ZNF705A: variants seen among roughly 807,000 people sequenced by gnomAD.
ZNF705A encodes zinc finger protein 705A.
ZNF705A carries 8 observed loss-of-function variants against 16.6 expected under a neutral mutation model. The observed-to-expected ratio is 0.48, with a 90% CI of 0.28 to 0.87. ZNF705A has a LOEUF of 0.87. ZNF705A is among the 40% of genes least tolerant of loss of function. ZNF705A has a pLI of 0.10. For missense variants in ZNF705A, 233 were observed against 359.9 expected, an observed-to-expected ratio of 0.65 and a Z score of 2.85; for synonymous variants, 73 against 117.3, an observed-to-expected ratio of 0.62 and a Z score of 2.44.
At chr12:8,168,289 A>G (rs1230706373), upstream of ZNF705A, among the ~76,000 whole-genome samples, 1 of 152,198 alleles carries the variant, frequency 6.6e-6, no homozygotes, top group Non-Finnish European at 1.5e-5. Flanking sequence ...GTGATAACTG[A>G]CAGGCCGTCA....
intron 1 of ZNF705A, among the ~76,000 whole-genome samples, chr12:8,172,929 A>G (rs746580520): frequency 2.6e-4 from 39 of 152,328 alleles, no homozygotes; most frequent in African/African-American, 7.7e-4. Flanking sequence ...TATTAAGGCT[A>G]TTTACAAAAA....
Position 8,159,482 on chromosome 12 carries a change from C to T in ZNF705A, c.-72+2390C>T, listed in dbSNP as rs138796655. The stretch of plus-strand genomic sequence containing the variant: ...CATGTCAACATCTATTGTTTTTTGA[C>T]TTTTTCTTTATGGCCATTCTTTCAG... On this transcript the variant is annotated intron_variant, in intron 1 of 5. Coordinates refer to the ZNF705A transcript ENST00000396570. 6.0e-4 allele frequency among the ~76,000 whole-genome samples: 91 copies of T among 152,122 alleles called. 2 individuals are homozygous for T. The East Asian group carries it at 0.016, about 27-fold the overall frequency.
upstream of ZNF705A, among the ~76,000 whole-genome samples, chr12:8,171,943 G>A (rs1368719862): frequency 6.6e-6 from 1 of 152,174 alleles, no homozygotes; most frequent in Non-Finnish European, 1.5e-5. Context: ...CACCATGTTG[G>A]CCAGGCTAGT....
chr12:8,165,663 C>T (rs946896752), intron 1 of ZNF705A, among the ~76,000 whole-genome samples: 137 of 152,104 alleles, frequency 9.0e-4, no homozygotes, highest in African/African-American at 3.2e-3. Context: ...TTTTTCAGGC[C>T]TTTGTCCCCA....
intron 1 of ZNF705A, among the ~76,000 whole-genome samples, chr12:8,161,403 G>A (rs765682943): frequency 4.6e-5 from 7 of 152,092 alleles, no homozygotes; most frequent in African/African-American, 1.7e-4. Flanking sequence ...TGAATGTCTG[G>A]TAGAATTCTT....
chr12:8,157,889 G>T (rs765270959), intron 1 of ZNF705A, among the ~76,000 whole-genome samples: 1 of 152,264 alleles, frequency 6.6e-6, no homozygotes, highest in South Asian at 2.1e-4. Flanking sequence ...TTGGCTGTTA[G>T]CTTCCTCTGG....
chr12:8,175,803 T>C, intron 3 of ZNF705A, 57 bp from the exon 5 acceptor site: 1 of 1,607,396 alleles, frequency 6.2e-7, no homozygotes, highest in Non-Finnish European at 8.5e-7. Context: ...TTGGGGCTTT[T>C]CAAACAATTT....
intron 1 of ZNF705A, among the ~76,000 whole-genome samples, chr12:8,158,033 T>C (rs1357461225): frequency 2.0e-5 from 3 of 152,092 alleles, no homozygotes; most frequent in Non-Finnish European, 4.4e-5. Flanking sequence ...TAATTAACTA[T>C]AGATCATGGA....
chr12:8,165,979 A>G (rs917649801), intron 1 of ZNF705A, among the ~76,000 whole-genome samples: 7 of 152,342 alleles, frequency 4.6e-5, no homozygotes, highest in African/African-American at 9.6e-5. Flanking sequence ...TAAATATATG[A>G]GTGCACACAT....
chr12:8,162,507 T>C (rs2093188326), intron 1 of ZNF705A, among the ~76,000 whole-genome samples: 1 of 152,118 alleles, frequency 6.6e-6, no homozygotes, highest in Admixed American at 6.5e-5. Flanking sequence ...GTTGTTCATG[T>C]TCCAGGTCAC....
chr12:8,164,220 C>G (rs760786340), intron 1 of ZNF705A, among the ~76,000 whole-genome samples: 90 of 152,282 alleles, frequency 5.9e-4, no homozygotes, highest in Admixed American at 2.3e-3. Context: ...AAACTTTGTG[C>G]TCTAACCACA....
exon 4 of ZNF705A, chr12:8,175,864 G>C: frequency 6.2e-7 from 1 of 1,611,260 alleles, no homozygotes; most frequent in South Asian, 1.1e-5. Context: ...TTTCAGACAG[G>C]GAAAGTGCCC....
At chr12:8,174,626 T>C (rs1223136303) in intron 2 of ZNF705A, among the ~76,000 whole-genome samples, 174 bp downstream of exon 3, 1 of 152,214 alleles carries the variant, frequency 6.6e-6, no homozygotes, top group African/African-American at 2.4e-5. Context: ...ATCTTTCTTT[T>C]TATTTTATTT....
intron 1 of ZNF705A, 100 bp downstream of exon 2, chr12:8,172,737 C>CTGTT: frequency 1.9e-6 from 3 of 1,542,654 alleles, no homozygotes; most frequent in Non-Finnish European, 2.6e-6. Flanking sequence ...TTATTCTTTT[C>CTGTT]TGTTTGTTTG....
At chr12:8,160,185 G>A (rs1250543727) in intron 1 of ZNF705A, among the ~76,000 whole-genome samples, 1 of 152,034 alleles carries the variant, frequency 6.6e-6, no homozygotes, top group Non-Finnish European at 1.5e-5. Flanking sequence ...TGGTCTATGT[G>A]CCTGTTTTTA....
At chr12:8,174,909 C>T (rs1387401852) in intron 2 of ZNF705A, among the ~76,000 whole-genome samples, 2 of 152,104 alleles carry the variant, frequency 1.3e-5, no homozygotes, top group East Asian at 3.8e-4. Flanking sequence ...ATAATAAACA[C>T]ACTGTGCAGA....
At chr12:8,172,007 G>C (rs1180982049), upstream of ZNF705A, among the ~76,000 whole-genome samples, 1 of 152,158 alleles carries the variant, frequency 6.6e-6, no homozygotes, top group Non-Finnish European at 1.5e-5. Flanking sequence ...AGAGTGCTGG[G>C]ATTACAGGCA....
At chr12:8,171,418 G>A (rs1161678675), upstream of ZNF705A, among the ~76,000 whole-genome samples, 2 of 151,996 alleles carry the variant, frequency 1.3e-5, no homozygotes, top group Non-Finnish European at 2.9e-5. Context: ...CATGGACATC[G>A]GTATTTCTCA....
chr12:8,172,762 A>G (rs992241994), intron 1 of ZNF705A, 125 bp downstream of exon 2: 3 of 1,476,684 alleles, frequency 2.0e-6, no homozygotes, highest in Admixed American at 1.8e-5. Context: ...TATGATGTAA[A>G]ATCCACCTAG....
Sources: allele counts gnomAD v4.1 joint callset (sites outside exome capture counted in the v4.1 genomes callset), GRCh38; gene constraint gnomAD v4.1.1; transcripts MANE v1.5; gene names NCBI Gene and HGNC (gene_info 2026-07-23, HGNC 2026-07-21).